The following TNRC18 variants were observed in gnomAD, a reference collection of about 807,000 sequenced individuals.
TNRC18 encodes trinucleotide repeat containing 18.
TNRC18 carries 69 observed loss-of-function variants against 226.7 expected under a neutral mutation model. The observed-to-expected ratio is 0.30, with a 90% CI of 0.25 to 0.37. TNRC18 has a LOEUF of 0.37. Ranked by LOEUF, TNRC18 falls within the 10% of genes least tolerant of loss-of-function variation. The pLI, the probability that TNRC18 is intolerant of heterozygous loss-of-function variation, is 1.00. For missense variants in TNRC18, 4,754 were observed against 4,256.6 expected, an observed-to-expected ratio of 1.12 and a Z score of -3.25; for synonymous variants, 2,449 against 1,927.6, an observed-to-expected ratio of 1.27 and a Z score of -7.09.
At chr7:5,320,988 G>T in intron 22 of TNRC18, 85 bp downstream of exon 22, 1 of 987,444 alleles carries the variant, frequency 1.0e-6, no homozygotes. Context: ...GCCCAGAAAG[G>T]AGAAGCAGCC....
Position 5,359,437 on chromosome 7 carries a change from A to G in TNRC18, c.4794T>C (p.Thr1598=). 1 of 1,613,984 alleles carries G rather than the reference A, an allele frequency of 6.2e-7. No individual in the cohort carries two copies. The highest frequency in any genetic ancestry group is 8.5e-7 in the Non-Finnish European group (1 of 1,179,876). Reference sequence around the variant, plus strand: ...CCGACGAGGCCTCATGTTCATCCCAAGTCTGGTTCCTCCCCCTGGCTTTCC... The same window carrying G: ...CCGACGAGGCCTCATGTTCATCCCAGGTCTGGTTCCTCCCCCTGGCTTTCC... ...GMGKARGRNQ[T]WDEHEASSDF... Residue 1598 remains threonine, a synonymous_variant, in exon 15 of 30, where the codon ACT becomes ACC. Transcript: ENST00000430969.
At chr7:5,337,760 G>A (rs1481588684) in intron 18 of TNRC18, among the ~76,000 whole-genome samples, 1 of 152,054 alleles carries the variant, frequency 6.6e-6, no homozygotes, top group African/African-American at 2.4e-5. Flanking sequence ...TGAGGCGGGT[G>A]GATCATGAGC....
rs1214949561 is a variant in TNRC18, at chr7:5,390,627, G to C, written c.345C>G (p.Gly115=). 10 of 1,550,566 alleles carry C rather than the reference G, an allele frequency of 6.4e-6. No individual in the cohort carries two copies. The highest frequency in any genetic ancestry group is 4.1e-5 in the Admixed American group (2 of 48,610). ...ACAGCCCACTGGGCAGGTGGGAGAAGCCTGTAACAGAAAAGAGAAAAGCTG... is the reference window on the plus strand; with the variant it reads ...ACAGCCCACTGGGCAGGTGGGAGAACCCTGTAACAGAAAAGAGAAAAGCTG... ...VQLWAAHAHE[G]FSHLPSGLYP... is the part of the protein sequence containing the mutation. Residue 115 remains glycine (G), a splice_region_variant and synonymous_variant, in exon 4 of 30, where the codon GGC becomes GGG. Coordinates refer to ENST00000430969, the MANE Select transcript of TNRC18 (RefSeq NM_001080495.3).
chr7:5,383,771 GGAGA>G (rs1309238205), intron 5 of TNRC18, among the ~76,000 whole-genome samples: 1 of 151,708 alleles, frequency 6.6e-6, no homozygotes, highest in Non-Finnish European at 1.5e-5. Flanking sequence ...TTTTTTTTAA[GGAGA>G]GAAAGAATCC....
At chr7:5,320,240 G>C in intron 24 of TNRC18, 78 bp downstream of exon 24, 5 of 1,112,054 alleles carry the variant, frequency 4.5e-6, no homozygotes, top group Non-Finnish European at 6.7e-6. Context: ...AAGCCAGTTA[G>C]AGTTGGGTTT....
chr7:5,316,079 G>A lies in TNRC18; in HGVS notation c.6746-7C>T. 1 of 1,609,570 alleles carries A rather than the reference G, an allele frequency of 6.2e-7. No individual in the cohort carries two copies. Among genetic ancestry groups the A allele is most frequent in the Non-Finnish European group, 8.5e-7 (1 of 1,177,630 alleles). ...TCCTCCAGGTCCAGTAACCCTGTGG[G>A]AAGAGGGGAGGCTCAGGGGAGGCCC... On this transcript the variant is annotated splice_polypyrimidine_tract_variant and splice_region_variant and intron_variant, in intron 24 of 29. Transcript: ENST00000430969.
chr7:5,356,871 GGA>G, intron 16 of TNRC18, 43 bp downstream of exon 16: 1 of 1,484,224 alleles, frequency 6.7e-7, no homozygotes, highest in Non-Finnish European at 9.0e-7. Flanking sequence ...GGGGAGAAAA[GGA>G]GAGAAGCAGC....
intron 2 of TNRC18, among the ~76,000 whole-genome samples, chr7:5,408,876 T>G (rs1415980350): frequency 6.6e-6 from 1 of 152,016 alleles, no homozygotes; most frequent in Admixed American, 6.6e-5. Context: ...GACCCCTCTG[T>G]TTACTAGGGA....
At chr7:5,382,318 CGCCCAGAGGCCCAGCCCCA>C (rs1287138448) in intron 5 of TNRC18, among the ~76,000 whole-genome samples, 6 of 152,128 alleles carry the variant, frequency 3.9e-5, no homozygotes, top group African/African-American at 1.4e-4. Context: ...CTCTGCAGGC[CGCCCAGAGGCCCAGCCCCA>C]GCCCAGGGCC....
Position 5,307,207 on chromosome 7 carries a change from GTTTT to G in TNRC18, c.*895_*898del, listed in dbSNP as rs11447827. 6.8e-6 allele frequency: 1 copy of G among 146,802 alleles called. No homozygotes were observed. The highest frequency in any genetic ancestry group is 2.5e-5 in the African/African-American group (1 of 40,168). The allele number at this position is 146,802 out of a possible 1,614,324, so 9.1% of individuals were successfully genotyped here. ...AAAATAATATTCTGCACGTCAGAAT[GTTTT>G]TTTTTATAATTTCATAGCTATTTTT... On this transcript the variant is annotated 3_prime_UTR_variant, in exon 30 of 30. Coordinates refer to ENST00000430969, the MANE Select transcript of TNRC18 (RefSeq NM_001080495.3).
intron 2 of TNRC18, among the ~76,000 whole-genome samples, chr7:5,412,846 G>T (rs1342653557): frequency 2.6e-5 from 4 of 152,226 alleles, no homozygotes; most frequent in Non-Finnish European, 5.9e-5. Context: ...GGTTGGTGAA[G>T]ATGTGGGAAG....
chr7:5,405,856 G>A (rs1481336270), intron 2 of TNRC18, among the ~76,000 whole-genome samples: 2 of 152,326 alleles, frequency 1.3e-5, no homozygotes, highest in East Asian at 1.9e-4. Flanking sequence ...TTGAGCTCAG[G>A]AGTTTGAGAC....
chr7:5,328,954 C>T (rs954062408), intron 19 of TNRC18, among the ~76,000 whole-genome samples: 2 of 152,192 alleles, frequency 1.3e-5, no homozygotes, highest in African/African-American at 4.8e-5. Context: ...CACCACTGCA[C>T]TCCAGACTGG....
Position 5,333,137 on chromosome 7 carries a change from C to T in TNRC18, c.5720-88G>A, listed in dbSNP as rs957865515. ...CCACATGGACACCATTCCTCCCCGG[C>T]GGGACCTCCCCGCCAATGGCAGCGC... On this transcript the variant is annotated intron_variant, in intron 18 of 29. Coordinates refer to ENST00000430969, the MANE Select transcript of TNRC18 (RefSeq NM_001080495.3). The T allele has an allele frequency of 7.0e-6, 10 of 1,434,742 alleles. No homozygotes were observed. The Admixed American group carries it at 1.4e-4, about 20-fold the overall frequency. 88.9% of individuals were successfully genotyped at this position (1,434,742 alleles called of 1,614,324 possible). A position where few individuals can be genotyped will look rare whatever the true frequency, so the allele number is the denominator to read the frequency against.
At chr7:5,390,459 C>T in intron 4 of TNRC18, 26 bp downstream of exon 4, 1 of 1,613,168 alleles carries the variant, frequency 6.2e-7, no homozygotes, top group Non-Finnish European at 8.5e-7. Context: ...CCCTGTGCCA[C>T]CCCCAACCCC....
In TNRC18 at chr7:5,388,778, G is replaced by A. The variant is rs1204795161; in HGVS notation, c.1046C>T (p.Pro349Leu). 69 of 1,221,840 alleles carry A rather than the reference G, an allele frequency of 5.6e-5. No individual in the cohort carries two copies. Among genetic ancestry groups the A allele is most frequent in the East Asian group, 7.8e-5 (2 of 25,614 alleles). The allele number at this position is 1,221,840 out of a possible 1,614,324, so 75.7% of individuals were successfully genotyped here. A position where few individuals can be genotyped will look rare whatever the true frequency, so the allele number is the denominator to read the frequency against. ...PAPPKGPPAP[P>L]AATPAGVYTV... ...GTAGACGCCGGCGGGGGTGGCCGCGGGGGGTGCAGGAGGCCCCTTGGGGGG... is the reference window on the plus strand; with the variant it reads ...GTAGACGCCGGCGGGGGTGGCCGCGAGGGGTGCAGGAGGCCCCTTGGGGGG... The change falls in exon 5 of 30, where the codon CCC becomes CTC. Residue 349 changes from proline to leucine, a missense_variant. By Grantham distance (98) the Pro-to-Leu change is moderately conservative (BLOSUM62 -3). Coordinates refer to ENST00000430969, the MANE Select transcript of TNRC18 (RefSeq NM_001080495.3).
At chr7:5,311,001 C>T (rs141772755) in intron 27 of TNRC18, among the ~76,000 whole-genome samples, 3 of 151,748 alleles carry the variant, frequency 2.0e-5, no homozygotes, top group East Asian at 1.9e-4. Flanking sequence ...TGCACGTGCA[C>T]GCATGTATGT....
intron 2 of TNRC18, among the ~76,000 whole-genome samples, chr7:5,419,480 T>C (rs1350031606): frequency 1.3e-5 from 2 of 151,860 alleles, no homozygotes; most frequent in African/African-American, 2.4e-5. Context: ...CACACACACA[T>C]CACGGTGGAC....
At chr7:5,366,279 C>T (rs1047139630) in intron 11 of TNRC18, among the ~76,000 whole-genome samples, 4 of 148,498 alleles carry the variant, frequency 2.7e-5, no homozygotes, top group Admixed American at 2.0e-4. Flanking sequence ...GGGACAAAAT[C>T]ATCCCTAGTT....
Sources: gnomAD v4.1 joint callset for allele counts (sites outside exome capture counted in the v4.1 genomes callset) on GRCh38, gnomAD v4.1.1 for gene constraint, MANE v1.5 for transcripts, NCBI Gene and HGNC (gene_info 2026-07-23, HGNC 2026-07-21) for gene names.